The following CRPPA variants were observed in gnomAD, a reference collection of about 807,000 sequenced individuals.
CRPPA encodes CDP-L-ribitol pyrophosphorylase A, also known as D-ribitol-5-phosphate cytidylyltransferase.
CRPPA carries 43 observed loss-of-function variants against 52.0 expected under a neutral mutation model. The observed-to-expected ratio is 0.83, with a 90% CI of 0.65 to 1.07. The LOEUF (loss-of-function observed/expected upper bound fraction) is 1.07. CRPPA is among the 50% of genes least tolerant of loss of function. The pLI, the probability that CRPPA is intolerant of heterozygous loss-of-function variation, is 0.00. For synonymous variants in CRPPA, 250 were observed against 203.5 expected, an observed-to-expected ratio of 1.23 and a Z score of -1.94; for missense variants, 629 against 551.7, an observed-to-expected ratio of 1.14 and a Z score of -1.40.
chr7:16,386,999 G>A (rs1468600767), intron 2 of CRPPA, among the ~76,000 whole-genome samples: 7 of 147,508 alleles, frequency 4.7e-5, no homozygotes, highest in South Asian at 2.2e-4. Flanking sequence ...CAGCCTGGGC[G>A]ATAGAGACTA....
intron 9 of CRPPA, among the ~76,000 whole-genome samples, chr7:16,149,103 T>C (rs1299741948): frequency 6.6e-6 from 1 of 152,152 alleles, no homozygotes; most frequent in Non-Finnish European, 1.5e-5. Context: ...ATATTTAGAG[T>C]ATGATTACAA....
At chr7:16,291,223 G>A (rs1261286083) in intron 5 of CRPPA, among the ~76,000 whole-genome samples, 1 of 151,944 alleles carries the variant, frequency 6.6e-6, no homozygotes, top group Non-Finnish European at 1.5e-5. Context: ...ACAGTATGGA[G>A]ATTTCTCAAA....
chr7:16,403,985 GTTTTAA>G (rs1423506903), intron 2 of CRPPA, among the ~76,000 whole-genome samples: 1 of 152,120 alleles, frequency 6.6e-6, no homozygotes. Flanking sequence ...CCAGTTTTCT[GTTTTAA>G]TTCACTTCAA....
chr7:16,266,773 C>T (rs887147996), intron 6 of CRPPA, among the ~76,000 whole-genome samples: 1 of 152,184 alleles, frequency 6.6e-6, no homozygotes, highest in Admixed American at 6.5e-5. Context: ...GCCACCGTGC[C>T]CAGCCCCGTT....
At chr7:16,188,288 T>C (rs1781544702) in intron 9 of CRPPA, among the ~76,000 whole-genome samples, 1 of 152,090 alleles carries the variant, frequency 6.6e-6, no homozygotes, top group Non-Finnish European at 1.5e-5. Context: ...CTTTGTCCTA[T>C]TTTATAGTCA....
chr7:16,397,528 C>G (rs1000067582), intron 2 of CRPPA, among the ~76,000 whole-genome samples: 1 of 150,476 alleles, frequency 6.6e-6, no homozygotes, highest in Non-Finnish European at 1.5e-5. Flanking sequence ...GTGACATGAT[C>G]AACACAACAT....
chr7:16,418,326 T>A (rs1788244008), intron 1 of CRPPA, among the ~76,000 whole-genome samples: 1 of 152,238 alleles, frequency 6.6e-6, no homozygotes, highest in Non-Finnish European at 1.5e-5. Context: ...CTATTAGGAT[T>A]TTCTGACTGC....
chr7:16,201,497 A>G (rs1781855654), intron 9 of CRPPA, among the ~76,000 whole-genome samples: 1 of 152,142 alleles, frequency 6.6e-6, no homozygotes, highest in South Asian at 2.1e-4. Flanking sequence ...AAAACCCTGG[A>G]CTCAGCCTCA....
At chr7:16,303,187 T>C (rs1784826187) in intron 4 of CRPPA, among the ~76,000 whole-genome samples, 1 of 152,136 alleles carries the variant, frequency 6.6e-6, no homozygotes, top group African/African-American at 2.4e-5. Flanking sequence ...CTTGAACAAC[T>C]TTTTATCTGT....
chr7:16,238,279 C>A (rs907953711), intron 8 of CRPPA, among the ~76,000 whole-genome samples: 1 of 151,948 alleles, frequency 6.6e-6, no homozygotes, highest in Non-Finnish European at 1.5e-5. Flanking sequence ...AAATATCTAT[C>A]GCACAGACAT....
intron 9 of CRPPA, among the ~76,000 whole-genome samples, chr7:16,211,242 T>A (rs1249539985): frequency 6.6e-6 from 1 of 152,130 alleles, no homozygotes; most frequent in African/African-American, 2.4e-5. Flanking sequence ...ATAAAAACAA[T>A]TTTTTTCAAA....
intron 8 of CRPPA, chr7:16,247,779 A>G (rs1266210861): frequency 6.6e-6 from 1 of 152,200 alleles, no homozygotes; most frequent in African/African-American, 2.4e-5. Flanking sequence ...GTTCTGATTT[A>G]AAATAAACAT....
intron 9 of CRPPA, among the ~76,000 whole-genome samples, chr7:16,124,560 G>C (rs1782539197): frequency 6.6e-6 from 1 of 152,134 alleles, no homozygotes; most frequent in Non-Finnish European, 1.5e-5. Context: ...TAGAATAGTG[G>C]TTACTAGTGG....
chr7:16,329,493 A>G (rs1351118485), intron 3 of CRPPA, among the ~76,000 whole-genome samples: 2 of 152,222 alleles, frequency 1.3e-5, no homozygotes. Flanking sequence ...GAATACAATC[A>G]GGCCTTTGAT....
chr7:16,195,295 T>G (rs1216628220), intron 9 of CRPPA, among the ~76,000 whole-genome samples: 1 of 152,118 alleles, frequency 6.6e-6, no homozygotes, highest in Non-Finnish European at 1.5e-5. Context: ...TAAAACCAAG[T>G]ATTTCCATTG....
chr7:16,344,738 G>C (rs1174803109), intron 3 of CRPPA, among the ~76,000 whole-genome samples: 1 of 151,754 alleles, frequency 6.6e-6, no homozygotes, highest in East Asian at 1.9e-4. Context: ...CCACTAGATG[G>C]GCACAACAGC....
intron 3 of CRPPA, among the ~76,000 whole-genome samples, chr7:16,358,148 C>T (rs58665173): frequency 0.41 from 62,321 of 151,900 alleles, 12,913 homozygotes; most frequent in East Asian, 0.46. Flanking sequence ...GCAGGCCAGA[C>T]TGGCAGAGAA....
chr7:16,156,500 T>G (rs1783184352), intron 9 of CRPPA, among the ~76,000 whole-genome samples: 1 of 152,238 alleles, frequency 6.6e-6, no homozygotes, highest in Non-Finnish European at 1.5e-5. Context: ...GTGACATCTC[T>G]GTAACTTTGC....
rs1430354909 is a variant in CRPPA, at chr7:16,389,926, A to ATATATAT, written c.535-13686_535-13685insATATATA. Among the ~76,000 whole-genome samples, 352 of 54,880 alleles carry ATATATAT rather than the reference A, an allele frequency of 6.4e-3. 2 individuals are homozygous for ATATATAT. Among genetic ancestry groups the ATATATAT allele is most frequent in the Middle Eastern group, 0.011 (1 of 90 alleles). 36.0% of individuals were successfully genotyped at this position (54,880 alleles called of 152,430 possible). A position where few individuals can be genotyped will look rare whatever the true frequency, so the allele number is the denominator to read the frequency against. ...AAGCCTAGTATACAAAAAAAAAAAA[A>ATATATAT]AAATATATATATATATATATATATA... On this transcript the variant is annotated intron_variant, in intron 2 of 9. Coordinates refer to ENST00000407010, the MANE Select transcript of CRPPA (RefSeq NM_001101426.4).
Sources: gnomAD v4.1 joint callset for allele counts (sites outside exome capture counted in the v4.1 genomes callset) on GRCh38, gnomAD v4.1.1 for gene constraint, MANE v1.5 for transcripts, NCBI Gene and HGNC (gene_info 2026-07-23, HGNC 2026-07-21) for gene names.